Variants in SOX5 observed in about 807,000 individuals in gnomAD.
SOX5 encodes transcription factor SOX-5.
Under a neutral mutation model 92.0 loss-of-function variants are expected in SOX5, and 9 were observed. The observed-to-expected ratio is 0.10, with a 90% CI of 0.06 to 0.17. The LOEUF is 0.17. Among genes scored for constraint, SOX5 ranks in the 10% least tolerant of loss-of-function variants. SOX5 has a pLI of 1.00. For synonymous variants in SOX5, 344 were observed against 336.3 expected (o/e 1.02, Z -0.25); for missense variants, 642 against 944.5 (o/e 0.68, Z 4.20).
At chr12:23,606,059 C>G (rs909147899) in intron 8 of SOX5, among the ~76,000 whole-genome samples, 1 of 151,922 alleles carries the variant, frequency 6.6e-6, no homozygotes, top group Admixed American at 6.6e-5. Flanking sequence ...TGAGAGTTTA[C>G]TATTTAAAGA....
At chr12:23,639,303 T>TAAC (rs1444440774) in intron 8 of SOX5, among the ~76,000 whole-genome samples, 204 of 152,320 alleles carry the variant, frequency 1.3e-3, no homozygotes, top group Non-Finnish European at 5.9e-5. Flanking sequence ...GATTGTTGCT[T>TAAC]AACATAGCTA....
At chr12:24,361,530 G>A (rs1423316266) in intron 2 of SOX5, among the ~76,000 whole-genome samples, 1 of 152,100 alleles carries the variant, frequency 6.6e-6, no homozygotes, top group Admixed American at 6.6e-5. Flanking sequence ...CACAAAGAAA[G>A]TCCTCAGTAA....
intron 2 of SOX5, among the ~76,000 whole-genome samples, chr12:24,346,369 T>C (rs925157144): frequency 6.6e-6 from 1 of 152,080 alleles, no homozygotes; most frequent in Non-Finnish European, 1.5e-5. Flanking sequence ...AAATGTACTA[T>C]GCAGAATATA....
chr12:24,344,281 CAAAAAAAAAAAAAAAAAA>C (rs61660537), intron 2 of SOX5, among the ~76,000 whole-genome samples: 1 of 104,288 alleles, frequency 9.6e-6, no homozygotes. Flanking sequence ...GACTCTGTCT[CAAAAAAAAAAAAAAAAAA>C]AAAAAAAAAA....
At chr12:23,992,871 C>A (rs1950692253) in intron 4 of SOX5, among the ~76,000 whole-genome samples, 1 of 152,118 alleles carries the variant, frequency 6.6e-6, no homozygotes, top group Non-Finnish European at 1.5e-5. Context: ...GCATGCATGA[C>A]AAAAGACAAG....
intron 4 of SOX5, among the ~76,000 whole-genome samples, chr12:24,092,287 G>C (rs1010628490): frequency 6.7e-6 from 1 of 149,752 alleles, no homozygotes; most frequent in Non-Finnish European, 1.5e-5. Flanking sequence ...TGATTTTTCA[G>C]GCTTAGGGTA....
At chr12:23,615,378 C>G (rs531223692) in intron 8 of SOX5, among the ~76,000 whole-genome samples, 81 of 152,178 alleles carry the variant, frequency 5.3e-4, no homozygotes, top group African/African-American at 1.8e-3. Flanking sequence ...TCCAGGGGTA[C>G]ATGTGCAGGC....
chr12:23,816,466 G>A (rs931553516), intron 3 of SOX5, among the ~76,000 whole-genome samples: 3 of 151,936 alleles, frequency 2.0e-5, no homozygotes, highest in Non-Finnish European at 4.4e-5. Flanking sequence ...TGCCTCAGCT[G>A]GGATTACAGA....
intron 1 of SOX5, among the ~76,000 whole-genome samples, chr12:24,516,161 A>G (rs922645316): frequency 1.3e-5 from 2 of 151,190 alleles, no homozygotes; most frequent in South Asian, 2.1e-4. Flanking sequence ...TCCCACCTCA[A>G]CCTCCCGGGT....
At chr12:24,389,572 T>C (rs1470323677) in intron 1 of SOX5, among the ~76,000 whole-genome samples, 1 of 152,238 alleles carries the variant, frequency 6.6e-6, no homozygotes, top group Non-Finnish European at 1.5e-5. Flanking sequence ...TTTCTTTTCA[T>C]TGCCTAGCAA....
intron 9 of SOX5, chr12:23,582,410 T>C (rs1950169874): frequency 3.0e-6 from 1 of 334,956 alleles, no homozygotes; most frequent in Non-Finnish European, 4.2e-6. Flanking sequence ...TAACCTAAGA[T>C]AAAAATAATT....
chr12:23,991,329 AAAC>A (rs1159697859), intron 4 of SOX5, among the ~76,000 whole-genome samples: 21 of 151,228 alleles, frequency 1.4e-4, no homozygotes, highest in Admixed American at 5.9e-4. Flanking sequence ...CTTAAAAAAA[AAAC>A]AACAACAACA....
Position 23,680,527 on chromosome 12 carries a change from T to C in SOX5, c.811-14963A>G, listed in dbSNP as rs369516269. ...GTCATAGAGTCTAAAATAAGATGGT[T>C]TAACAAATGCTTGGTCAAAAATTTT... On this transcript the variant is annotated intron_variant, in intron 6 of 14. Transcript: ENST00000451604. Among the ~76,000 whole-genome samples, 21 of 151,632 alleles carry C rather than the reference T, an allele frequency of 1.4e-4. 1 individual carries two copies. In the East Asian group the frequency reaches 3.9e-3, roughly 28 times the overall value.
chr12:24,185,033 A>T (rs2139331266), intron 4 of SOX5, among the ~76,000 whole-genome samples: 1 of 152,210 alleles, frequency 6.6e-6, no homozygotes, highest in Non-Finnish European at 1.5e-5. Flanking sequence ...TAAGATAATG[A>T]ATAAAGAAAG....
intron 7 of SOX5, among the ~76,000 whole-genome samples, chr12:23,645,721 T>C (rs1165592047): frequency 6.6e-6 from 1 of 152,208 alleles, no homozygotes; most frequent in African/African-American, 2.4e-5. Context: ...ATTTCCTAAA[T>C]TAATGAATGT....
intron 4 of SOX5, among the ~76,000 whole-genome samples, chr12:24,019,492 T>C (rs1013337845): frequency 5.9e-5 from 9 of 151,692 alleles, no homozygotes; most frequent in Non-Finnish European, 1.2e-4. Flanking sequence ...CTTCCTGTTA[T>C]TTGTTTGTTG....
At chr12:24,347,050 C>T (rs1014271431) in intron 2 of SOX5, among the ~76,000 whole-genome samples, 5 of 152,138 alleles carry the variant, frequency 3.3e-5, no homozygotes, top group Non-Finnish European at 7.4e-5. Flanking sequence ...TGGTATACAA[C>T]CTGATGTTTG....
chr12:24,484,768 T>C (rs1208764696), intron 1 of SOX5, among the ~76,000 whole-genome samples: 3 of 152,210 alleles, frequency 2.0e-5, no homozygotes, highest in East Asian at 3.9e-4. Flanking sequence ...AGGACCTTTT[T>C]CCATCAAATT....
intron 1 of SOX5, among the ~76,000 whole-genome samples, chr12:24,497,410 C>T (rs537021978): frequency 1.3e-5 from 2 of 152,268 alleles, no homozygotes; most frequent in East Asian, 3.9e-4. Context: ...TAGAGCCAGA[C>T]AGAATTTCAA....
Sources: gnomAD v4.1 joint callset for allele counts (sites outside exome capture counted in the v4.1 genomes callset) on GRCh38, gnomAD v4.1.1 for gene constraint, MANE v1.5 for transcripts, NCBI Gene and HGNC (gene_info 2026-07-23, HGNC 2026-07-21) for gene names.